TMX4: variants seen among roughly 807,000 people sequenced by gnomAD.
TMX4 encodes the protein thioredoxin-related transmembrane protein 4.
TMX4 carries 23 observed loss-of-function variants against 33.3 expected under a neutral mutation model. The ratio of observed to expected loss-of-function variants is 0.69; its 90% confidence interval spans 0.50 to 0.98. The LOEUF is 0.98. TMX4 is among the 50% of genes least tolerant of loss of function. The pLI is 0.00. For synonymous variants in TMX4, 164 were observed against 161.5 expected (o/e 1.02, Z -0.12); for missense variants, 399 against 448.9 (o/e 0.89, Z 1.01).
intron 1 of TMX4, chr20:8,019,212 A>G (rs904851069): frequency 1.1e-5 from 6 of 534,660 alleles, no homozygotes; most frequent in Non-Finnish European, 3.2e-6. Context: ...CGGGCCCCAC[A>G]GCCGCAGGTC....
In TMX4 at chr20:8,001,528, G is replaced by A; in HGVS notation, c.306C>T (p.Arg102=). The A allele has an allele frequency of 2.5e-6, 4 of 1,600,604 alleles. No homozygotes were observed. Among genetic ancestry groups the A allele is most frequent in the East Asian group, 2.2e-5 (1 of 44,508 alleles). ...DVIQEPGLSG[R]FFVTTLPAFF... ...ATGCTGGGAGAGTGGTGACAAAGAA[G>A]CGGCCACTCAAACCTACAAGAAGCA... The change falls in exon 3 of 8, where the codon CGC becomes CGT. Residue 102 remains arginine, a synonymous_variant. Coordinates refer to ENST00000246024, the MANE Select transcript of TMX4 (RefSeq NM_021156.4).
Position 7,982,343 on chromosome 20 carries a change from C to A in TMX4, c.958G>T (p.Gly320Cys), listed in dbSNP as rs781395988. 1.9e-6 allele frequency: 3 copies of A among 1,614,082 alleles called. No individual in the cohort carries two copies. In the East Asian group the frequency reaches 6.7e-5, roughly 36 times the overall value. ...GCTGGGCAGGGTTGCTCAGAGATGCCTTCTTCAGCCTCCTCAGGCTCTACT... is the reference window on the plus strand; with the variant it reads ...GCTGGGCAGGGTTGCTCAGAGATGCATTCTTCAGCCTCCTCAGGCTCTACT... ...EEVEPEEAEE[G>C]ISEQPCPADT... Residue 320 changes from glycine (G) to cysteine (C), a missense_variant, in exon 8 of 8, where the codon GGC becomes TGC. By Grantham distance (159) the Gly-to-Cys change is radical. Transcript: ENST00000246024.
chr20:7,985,713 A>T (rs1388691352), intron 6 of TMX4, among the ~76,000 whole-genome samples: 2 of 152,168 alleles, frequency 1.3e-5, no homozygotes, highest in Non-Finnish European at 2.9e-5. Flanking sequence ...ATATTTTGTT[A>T]AATAAAGTTA....
rs1295945817 is a variant in TMX4, at chr20:7,995,258, T to G, written c.513+768A>C. Among the ~76,000 whole-genome samples the G allele has an allele frequency of 2.6e-5, 4 of 152,192 alleles. No homozygotes were observed. The East Asian group carries it at 7.7e-4, about 29-fold the overall frequency. Reference sequence around the variant, plus strand: ...AAAAGACATATATAGGGAGACTCGCTTCTAAGACTTTTTGAAATATTTTGA... The same window carrying G: ...AAAAGACATATATAGGGAGACTCGCGTCTAAGACTTTTTGAAATATTTTGA... On this transcript the variant is annotated intron_variant, in intron 5 of 7. Transcript: ENST00000246024.
rs936407390 is a variant in TMX4 at position 7,990,957 on chromosome 20, T to C, written c.514-3568A>G. On this transcript the variant is annotated intron_variant, in intron 5 of 7. Transcript: ENST00000246024. ...GCACCACTGTCTCACTATAACATTC[T>C]ACAAAACATTCTAAACATTTTTATA... Among the ~76,000 whole-genome samples the C allele has an allele frequency of 3.3e-5, 5 of 152,206 alleles. No individual in the cohort carries two copies. In the South Asian group the frequency reaches 1.0e-3, roughly 32 times the overall value.
In TMX4 at chr20:7,990,250, G is replaced by A. The variant is rs543587358; in HGVS notation, c.514-2861C>T. ...GCGGAGGTTGCAGTGAGCTGAGATC[G>A]CCCCACTGCACTCCAGCCTGGGTGA... On this transcript the variant is annotated intron_variant, in intron 5 of 7. Coordinates refer to ENST00000246024, the MANE Select transcript of TMX4 (RefSeq NM_021156.4). Among the ~76,000 whole-genome samples the A allele has an allele frequency of 4.6e-5, 7 of 150,958 alleles. No individual in the cohort carries two copies. In the East Asian group the frequency reaches 5.9e-4, roughly 13 times the overall value.
intron 5 of TMX4, among the ~76,000 whole-genome samples, chr20:7,990,487 C>T (rs1362334098): frequency 6.6e-6 from 1 of 152,154 alleles, no homozygotes; most frequent in Non-Finnish European, 1.5e-5. Context: ...AATCAGTGGT[C>T]AGACAGACTT....
intron 2 of TMX4, among the ~76,000 whole-genome samples, chr20:8,002,449 G>T (rs2050711582): frequency 6.6e-6 from 1 of 152,278 alleles, no homozygotes; most frequent in Admixed American, 6.5e-5. Context: ...GAGACTAGGA[G>T]TAAAGAACAG....
chr20:8,006,763 T>C (rs890019984), intron 2 of TMX4, among the ~76,000 whole-genome samples: 11 of 149,848 alleles, frequency 7.3e-5, no homozygotes, highest in Non-Finnish European at 1.3e-4. Context: ...TCTTCTTCTT[T>C]TTTTTTTTTT....
chr20:7,989,220 G>T (rs1433861380), intron 5 of TMX4, among the ~76,000 whole-genome samples: 1 of 151,828 alleles, frequency 6.6e-6, no homozygotes, highest in Admixed American at 6.6e-5. Flanking sequence ...ATTAAACCCG[G>T]AAATGTGCCA....
chr20:8,014,115 TA>T (rs2050763380), intron 1 of TMX4, among the ~76,000 whole-genome samples: 1 of 152,202 alleles, frequency 6.6e-6, no homozygotes, highest in Admixed American at 6.5e-5. Flanking sequence ...CTTTGGACAA[TA>T]ATTTCTAGAA....
At chr20:8,001,181 C>G (rs567546268) in intron 3 of TMX4, among the ~76,000 whole-genome samples, 4 of 152,280 alleles carry the variant, frequency 2.6e-5, no homozygotes, top group African/African-American at 9.6e-5. Flanking sequence ...TATGCTATCT[C>G]CTTTAACTGG....
In TMX4 at chr20:8,019,692, G is replaced by T; in HGVS notation, c.-79C>A. 8.2e-7 allele frequency: 1 copy of T among 1,215,692 alleles called. No individual in the cohort carries two copies. The highest frequency in any genetic ancestry group is 1.0e-6 in the Non-Finnish European group (1 of 960,684). 75.3% of individuals were successfully genotyped at this position (1,215,692 alleles called of 1,614,324 possible). ...GGCCCGCAGCCTCGCTCGCCCGCCGGGTTTTTCAAGGAAGCGGGAGACGCA... is the reference window on the plus strand; with the variant it reads ...GGCCCGCAGCCTCGCTCGCCCGCCGTGTTTTTCAAGGAAGCGGGAGACGCA... On this transcript the variant is annotated 5_prime_UTR_variant, in exon 1 of 8. Coordinates refer to ENST00000246024, the MANE Select transcript of TMX4 (RefSeq NM_021156.4).
At chr20:7,991,552 T>C (rs1385551762) in intron 5 of TMX4, among the ~76,000 whole-genome samples, 5 of 152,168 alleles carry the variant, frequency 3.3e-5, no homozygotes, top group African/African-American at 9.7e-5. Context: ...TTTCAGATTA[T>C]GGAGCATTTT....
chr20:7,982,275 A>C lies in TMX4; in HGVS notation c.1026T>G (p.Ser342Arg). Residue 342 changes from serine to arginine, a missense_variant, in exon 8 of 8, where the codon AGT becomes AGG. Physicochemically the swap from Ser to Arg is moderately radical, Grantham distance 110. Coordinates refer to ENST00000246024, the MANE Select transcript of TMX4 (RefSeq NM_021156.4). Reference protein sequence around the residue: ...VVEDSLRQRKSQHADKGL With the variant: ...VVEDSLRQRKRQHADKGL Reference sequence around the variant, plus strand: ...TCTACAGTCCCTTGTCAGCATGCTGACTTTTACGCTGCCTCAAGGAGTCTT... The same window carrying C: ...TCTACAGTCCCTTGTCAGCATGCTGCCTTTTACGCTGCCTCAAGGAGTCTT... 6.2e-7 allele frequency: 1 copy of C among 1,613,880 alleles called. No homozygotes were observed. The highest frequency in any genetic ancestry group is 8.5e-7 in the Non-Finnish European group (1 of 1,179,930).
At position 8,010,172 on chromosome 20, in the gene TMX4, T is replaced by A. The variant is rs978621698; in HGVS notation, c.292+28A>T. ...TCAAAATAAAAAGTCGGTAAACTTTTGCATTTTATGTGCAACATTCACAGT... is the reference window on the plus strand; with the variant it reads ...TCAAAATAAAAAGTCGGTAAACTTTAGCATTTTATGTGCAACATTCACAGT... On this transcript the variant is annotated intron_variant, in intron 2 of 7. Coordinates refer to ENST00000246024, the MANE Select transcript of TMX4 (RefSeq NM_021156.4). 6 of 1,576,280 alleles carry A rather than the reference T, an allele frequency of 3.8e-6. No individual in the cohort carries two copies. The African/African-American group carries it at 8.2e-5, about 21-fold the overall frequency.
chr20:7,996,235 A>G (rs115266725), intron 4 of TMX4, among the ~76,000 whole-genome samples, 164 bp from the exon 5 acceptor site: 5,127 of 152,174 alleles, frequency 0.034, 277 homozygotes, highest in African/African-American at 0.11. Flanking sequence ...AGTGGCTATC[A>G]TTTGAATCAC....
At chr20:7,988,767 G>A (rs953565335) in intron 5 of TMX4, among the ~76,000 whole-genome samples, 1 of 152,182 alleles carries the variant, frequency 6.6e-6, no homozygotes, top group Non-Finnish European at 1.5e-5. Flanking sequence ...ACTCATGCCT[G>A]TAATCCCAGC....
At chr20:8,011,165 C>G (rs148064328) in intron 1 of TMX4, among the ~76,000 whole-genome samples, 1 of 152,036 alleles carries the variant, frequency 6.6e-6, no homozygotes, top group African/African-American at 2.4e-5. Context: ...TTTAAAATGC[C>G]AATTCCCTCC....
Sources: allele counts gnomAD v4.1 joint callset (sites outside exome capture counted in the v4.1 genomes callset), GRCh38; gene constraint gnomAD v4.1.1; transcripts MANE v1.5; gene names NCBI Gene and HGNC (gene_info 2026-07-23, HGNC 2026-07-21).